Variants in PRELP observed in about 807,000 individuals in gnomAD.
PRELP encodes the protein proline and arginine rich end leucine rich repeat protein, also known as prolargin.
In PRELP, 16 loss-of-function variants were observed where a neutral mutation model predicts 22.8. The observed-to-expected ratio is 0.70, with a 90% confidence interval of 0.47 to 1.06. The LOEUF (loss-of-function observed/expected upper bound fraction) is 1.06. Among genes scored for constraint, PRELP ranks in the 50% least tolerant of loss-of-function variants. The pLI is 0.00. For synonymous variants in PRELP, 233 were observed against 211.4 expected (o/e 1.10, Z -0.89); for missense variants, 434 against 485.2 (o/e 0.89, Z 0.99).
chr1:203,489,580 C>T lies in PRELP; in HGVS notation c.*2699C>T, dbSNP rs1039458534. ...GAAATAACTTCCACATTTCAACACA[C>T]TTCACAGTACAGGAAATAAAGTAAT... On this transcript the variant is annotated 3_prime_UTR_variant, in exon 3 of 3. Transcript: ENST00000343110. The T allele has an allele frequency of 4.3e-4, 65 of 152,380 alleles. No individual in the cohort carries two copies. The highest frequency in any genetic ancestry group is 1.3e-3 in the African/African-American group (56 of 41,580). 9.4% of individuals were successfully genotyped at this position (152,380 alleles called of 1,614,324 possible).
At chr1:203,476,468 T>C (rs1240977168) in intron 1 of PRELP, among the ~76,000 whole-genome samples, 2 of 152,128 alleles carry the variant, frequency 1.3e-5, no homozygotes. Flanking sequence ...CACACATGCA[T>C]GCACACATGT....
At chr1:203,482,279 T>C (rs1471168411) in intron 1 of PRELP, among the ~76,000 whole-genome samples, 2 of 136,396 alleles carry the variant, frequency 1.5e-5, no homozygotes, top group Admixed American at 1.5e-4. Context: ...GCTTTCTTTC[T>C]TTCTTTTTTT....
intron 2 of PRELP, among the ~76,000 whole-genome samples, chr1:203,485,124 G>A (rs1267829044): frequency 6.6e-6 from 1 of 151,358 alleles, no homozygotes; most frequent in African/African-American, 2.4e-5. Flanking sequence ...CACTCATTTG[G>A]GATAATTTCA....
At chr1:203,477,014 C>T (rs1212540194) in intron 1 of PRELP, among the ~76,000 whole-genome samples, 1 of 151,684 alleles carries the variant, frequency 6.6e-6, no homozygotes, top group Non-Finnish European at 1.5e-5. Context: ...TCTCCTGCTC[C>T]CCTGCTCATT....
Position 203,484,081 on chromosome 1 carries a change from C to A in PRELP, c.897C>A (p.Ser299=). Residue 299 remains serine (S), a synonymous_variant, in exon 2 of 3, where the codon TCC becomes TCA. Transcript: ENST00000343110. ...CCAACCTGCTTGTGCTCCACCTGTCCCACAACAGGATCAGCAGTGTGCCCG... is the reference window on the plus strand; with the variant it reads ...CCAACCTGCTTGTGCTCCACCTGTCACACAACAGGATCAGCAGTGTGCCCG... The part of the protein sequence containing the change: ...NISNLLVLHL[S]HNRISSVPAI... 3 of 1,614,148 alleles carry A rather than the reference C, an allele frequency of 1.9e-6. No individual in the cohort carries two copies. The highest frequency in any genetic ancestry group is 2.5e-6 in the Non-Finnish European group (3 of 1,180,030).
At chr1:203,482,796 A>G (rs1442752582) in intron 1 of PRELP, among the ~76,000 whole-genome samples, 2 of 150,382 alleles carry the variant, frequency 1.3e-5, no homozygotes, top group East Asian at 4.0e-4. Flanking sequence ...ACAGGGTTTC[A>G]CCGTGTTAGC....
chr1:203,478,255 C>T (rs1660944910), intron 1 of PRELP, among the ~76,000 whole-genome samples: 1 of 152,170 alleles, frequency 6.6e-6, no homozygotes, highest in African/African-American at 2.4e-5. Context: ...GGTCTCAGAT[C>T]TATAATCACT....
rs146269143 is a variant in PRELP at position 203,483,538 on chromosome 1, G to A, written c.354G>A (p.Pro118=). 359 of 1,614,176 alleles carry A rather than the reference G, an allele frequency of 2.2e-4. 2 individuals are homozygous for A. In the African/African-American group the frequency reaches 3.7e-3, roughly 17 times the overall value. ...AGAACAACTTCATCACTGAGCTCCC[G>A]GTGGAGTCCTTCCAGAATGCCACAG... is the stretch of plus-strand genomic sequence containing the variant. ...YLQNNFITEL[P]VESFQNATGL... is the part of the protein sequence containing the mutation. Residue 118 remains proline (P), a synonymous_variant, in exon 2 of 3, where the codon CCG becomes CCA. Transcript: ENST00000343110. This position sits in a 1 kb window ranked among gnomAD's most constrained non-coding sequence, Gnocchi z 4.4.
chr1:203,486,875 C>A lies in PRELP; in HGVS notation c.1143C>A (p.Val381=), dbSNP rs775630349. 6.2e-6 allele frequency: 10 copies of A among 1,612,490 alleles called. No homozygotes were observed. In the South Asian group the frequency reaches 9.9e-5, roughly 16 times the overall value. Residue 381 remains valine (V), a synonymous_variant, in exon 3 of 3, where the codon GTC becomes GTA. Transcript: ENST00000343110. ...MMCFRLLQSV[V]I is the part of the protein sequence containing the mutation. ...GCTTCCGCCTCCTGCAGTCCGTGGT[C>A]ATCTAGGCCCTACTCCGCCACCGGA...
At position 203,484,173 on chromosome 1, in the gene PRELP, C is replaced by CG; in HGVS notation, c.973+20dup. On this transcript the variant is annotated intron_variant, in intron 2 of 2. Coordinates refer to ENST00000343110, the MANE Select transcript of PRELP (RefSeq NM_002725.4). ...AGCATCGAGAGTGAGTGGGGTGGGCCGGGGCGGGGCCGAAGGCAAGGAGGT... is the reference window on the plus strand; with the variant it reads ...AGCATCGAGAGTGAGTGGGGTGGGCCGGGGGCGGGGCCGAAGGCAAGGAGGT... 2.7e-5 allele frequency: 16 copies of CG among 590,776 alleles called. No homozygotes were observed. Among genetic ancestry groups the CG allele is most frequent in the Middle Eastern group, 4.0e-4 (1 of 2,522 alleles). 36.6% of individuals were successfully genotyped at this position (590,776 alleles called of 1,614,324 possible).
At chr1:203,486,115 G>C (rs1435832065) in intron 2 of PRELP, among the ~76,000 whole-genome samples, 1 of 152,124 alleles carries the variant, frequency 6.6e-6, no homozygotes, top group Non-Finnish European at 1.5e-5. Context: ...TCTTTGTACA[G>C]CATAAACCTG....
rs202213609 is a variant in PRELP at position 203,486,818 on chromosome 1, G to A, written c.1086G>A (p.Leu362=). The A allele has an allele frequency of 3.1e-6, 5 of 1,614,204 alleles. No individual in the cohort carries two copies. Among genetic ancestry groups the A allele is most frequent in the Non-Finnish European group, 3.4e-6 (4 of 1,180,032 alleles). ...ACCTGCGGCTGGATGGAAACTACTT[G>A]AAGCCGCCCATCCCGCTGGACCTCA... ...LRYLRLDGNY[L]KPPIPLDLMM... The change falls in exon 3 of 3, where the codon TTG becomes TTA. Residue 362 remains leucine, a synonymous_variant. Transcript: ENST00000343110.
chr1:203,477,599 C>T (rs1388215645), intron 1 of PRELP, among the ~76,000 whole-genome samples: 1 of 152,138 alleles, frequency 6.6e-6, no homozygotes, highest in Non-Finnish European at 1.5e-5. Flanking sequence ...TCCTCCTTCC[C>T]AGCAGCCACC....
intron 2 of PRELP, 54 bp downstream of exon 2, chr1:203,484,211 C>A: frequency 1.3e-6 from 2 of 1,576,106 alleles, no homozygotes; most frequent in Non-Finnish European, 1.7e-6. Context: ...GCTTGTGTAG[C>A]ACTTCCACCC....
rs758453057 is a variant in PRELP, at chr1:203,486,633, T to A, written c.974-73T>A. On this transcript the variant is annotated intron_variant, in intron 2 of 2. Coordinates refer to ENST00000343110, the MANE Select transcript of PRELP (RefSeq NM_002725.4). ...TCTACAGTCCTTGCTCTCGGGTGTC[T>A]TCCCCCTTCCCCTTCCTCATCTTGG... The A allele has an allele frequency of 1.4e-5, 20 of 1,439,886 alleles. No homozygotes were observed. The Admixed American group carries it at 3.5e-4, about 26-fold the overall frequency. The allele number at this position is 1,439,886 out of a possible 1,614,324, so 89.2% of individuals were successfully genotyped here. A position where few individuals can be genotyped will look rare whatever the true frequency, so the allele number is the denominator to read the frequency against.
chr1:203,477,718 G>T (rs1475750060), intron 1 of PRELP, among the ~76,000 whole-genome samples: 3 of 81,560 alleles, frequency 3.7e-5, no homozygotes, highest in African/African-American at 1.9e-4. Flanking sequence ...TTCAAGGCTG[G>T]AAGGGGCAAA....
At position 203,486,734 on chromosome 1, in the gene PRELP, C is replaced by T. The variant is rs1485133332; in HGVS notation, c.1002C>T (p.Asn334=). ...EKINGTQICP[N]DLVAFHDFSS... is the part of the protein sequence containing the mutation. ...TCAACGGAACCCAGATTTGCCCCAA[C>T]GACCTAGTGGCGTTCCATGACTTCT... is the stretch of plus-strand genomic sequence containing the variant. The change falls in exon 3 of 3, where the codon AAC becomes AAT. Residue 334 remains asparagine (N), a synonymous_variant. Coordinates refer to ENST00000343110, the MANE Select transcript of PRELP (RefSeq NM_002725.4). The T allele has an allele frequency of 6.2e-7, 1 of 1,612,832 alleles. No individual in the cohort carries two copies. The highest frequency in any genetic ancestry group is 1.3e-5 in the African/African-American group (1 of 74,914).
intron 1 of PRELP, among the ~76,000 whole-genome samples, chr1:203,480,517 C>T (rs984210788): frequency 3.9e-5 from 6 of 152,190 alleles, no homozygotes; most frequent in Admixed American, 1.3e-4. Context: ...TAGGACATCA[C>T]GGAGCACTGC....
intron 2 of PRELP, 76 bp from the exon 3 acceptor site, chr1:203,486,630 G>A: frequency 7.1e-7 from 1 of 1,417,064 alleles, no homozygotes. Context: ...GCTCTCGGGT[G>A]TCTTCCCCCT....
Sources: gnomAD v4.1 joint callset for allele counts (sites outside exome capture counted in the v4.1 genomes callset) on GRCh38, gnomAD v4.1.1 for gene constraint, Gnocchi (gnomAD v3.1) non-coding constraint, MANE v1.5 for transcripts, NCBI Gene and HGNC (gene_info 2026-07-23, HGNC 2026-07-21) for gene names.